GALNTL6: variants seen among roughly 807,000 people sequenced by gnomAD.
GALNTL6 encodes the protein polypeptide N-acetylgalactosaminyltransferase like 6.
GALNTL6 carries 46 observed loss-of-function variants against 73.7 expected under a neutral mutation model. That is an observed-to-expected ratio of 0.62 (90% confidence interval 0.49 to 0.80). The LOEUF (loss-of-function observed/expected upper bound fraction) is 0.80. GALNTL6 is among the 30% of genes least tolerant of loss of function. GALNTL6 has a pLI of 0.00. For missense variants in GALNTL6, 604 were observed against 755.0 expected (o/e 0.80, Z 2.34); for synonymous variants, 259 against 263.7 (o/e 0.98, Z 0.17).
chr4:172,186,834 A>C (rs1735430249), intron 2 of GALNTL6, among the ~76,000 whole-genome samples: 1 of 152,078 alleles, frequency 6.6e-6, no homozygotes, highest in Non-Finnish European at 1.5e-5. Flanking sequence ...GGGTGAAGAA[A>C]ATGTTTTGGA....
At chr4:172,552,281 A>T (rs953772054) in intron 5 of GALNTL6, among the ~76,000 whole-genome samples, 12 of 152,120 alleles carry the variant, frequency 7.9e-5, no homozygotes, top group Non-Finnish European at 1.8e-4. Context: ...TGAGCTAGAG[A>T]TTCAAAGAAT....
At chr4:172,745,558 GA>G in intron 5 of GALNTL6, among the ~76,000 whole-genome samples, 1 of 152,044 alleles carries the variant, frequency 6.6e-6, no homozygotes. Context: ...ACTGTGGCAG[GA>G]GTTACAGAAG....
At chr4:172,483,465 A>G (rs1733564726) in intron 5 of GALNTL6, among the ~76,000 whole-genome samples, 1 of 152,222 alleles carries the variant, frequency 6.6e-6, no homozygotes, top group Non-Finnish European at 1.5e-5. Flanking sequence ...TAAAGAGTTC[A>G]GCATAAATGA....
chr4:172,059,271 C>T (rs192177142), intron 2 of GALNTL6, among the ~76,000 whole-genome samples: 3 of 152,170 alleles, frequency 2.0e-5, no homozygotes, highest in Non-Finnish European at 2.9e-5. Context: ...TTGAAGCCCA[C>T]CTCTCCTGGC....
chr4:171,968,814 C>T (rs1166991336), intron 2 of GALNTL6, among the ~76,000 whole-genome samples: 5 of 140,772 alleles, frequency 3.6e-5, no homozygotes, highest in Non-Finnish European at 6.2e-5. Context: ...ATCGCCCTCC[C>T]TTGTTCTATT....
At chr4:172,302,915 CACAG>C (rs1311812140) in intron 3 of GALNTL6, among the ~76,000 whole-genome samples, 3 of 151,880 alleles carry the variant, frequency 2.0e-5, no homozygotes, top group African/African-American at 7.3e-5. Context: ...TTTGTTGTTA[CACAG>C]ACAGGATTTT....
chr4:171,873,568 G>T lies in GALNTL6; in HGVS notation c.138+58850G>T, dbSNP rs1295383780. 2.6e-5 allele frequency among the ~76,000 whole-genome samples: 4 copies of T among 151,996 alleles called. No homozygotes were observed. The East Asian group carries it at 5.8e-4, about 22-fold the overall frequency. On this transcript the variant is annotated intron_variant, in intron 2 of 12. Coordinates refer to ENST00000506823, the MANE Select transcript of GALNTL6 (RefSeq NM_001034845.3). Reference sequence around the variant, plus strand: ...AATTTGATGAGCCTTTTCTTGTGTTGCCTCCTTAAAGGCAGTTCTGAAAAC... The same window carrying T: ...AATTTGATGAGCCTTTTCTTGTGTTTCCTCCTTAAAGGCAGTTCTGAAAAC...
At chr4:172,797,488 G>A (rs1740342533) in intron 5 of GALNTL6, among the ~76,000 whole-genome samples, 1 of 151,994 alleles carries the variant, frequency 6.6e-6, no homozygotes, top group South Asian at 2.1e-4. Context: ...CAGGCCATCC[G>A]CCCGCCTCAG....
chr4:171,997,841 C>T (rs1366256794), intron 2 of GALNTL6, among the ~76,000 whole-genome samples: 3 of 152,056 alleles, frequency 2.0e-5, no homozygotes. Context: ...TAAAGATTGT[C>T]ACAGGGTAGG....
At chr4:172,311,833 T>A in intron 4 of GALNTL6, 81 bp downstream of exon 4, 1 of 894,236 alleles carries the variant, frequency 1.1e-6, no homozygotes, top group Non-Finnish European at 1.6e-6. Context: ...TGTGTATCAC[T>A]GCGAGATATG....
chr4:172,771,905 A>G (rs1302629008), intron 5 of GALNTL6, among the ~76,000 whole-genome samples: 6 of 152,152 alleles, frequency 3.9e-5, no homozygotes. Flanking sequence ...GGAACATTCA[A>G]TACAATTTGT....
At chr4:173,015,569 G>C (rs1752747637) in intron 11 of GALNTL6, among the ~76,000 whole-genome samples, 1 of 152,198 alleles carries the variant, frequency 6.6e-6, no homozygotes, top group African/African-American at 2.4e-5. Flanking sequence ...AGTCACTCTT[G>C]TTATGCAAAG....
intron 5 of GALNTL6, chr4:172,668,071 T>C (rs1731766613): frequency 6.6e-6 from 1 of 152,258 alleles, no homozygotes; most frequent in Non-Finnish European, 1.5e-5. Flanking sequence ...AAAATGGAAT[T>C]TGGAGAGTTT....
At chr4:172,746,560 T>C (rs1005866733) in intron 5 of GALNTL6, among the ~76,000 whole-genome samples, 2 of 152,118 alleles carry the variant, frequency 1.3e-5, no homozygotes, top group Admixed American at 1.3e-4. Flanking sequence ...TTGTCTATAA[T>C]AGTTAATATT....
At chr4:172,127,526 G>A (rs553286913) in intron 2 of GALNTL6, among the ~76,000 whole-genome samples, 7 of 152,268 alleles carry the variant, frequency 4.6e-5, no homozygotes, top group African/African-American at 1.4e-4. Flanking sequence ...AATCATACTT[G>A]GATTACTTAT....
At chr4:171,851,425 A>T (rs766090137) in intron 2 of GALNTL6, among the ~76,000 whole-genome samples, 21 of 152,226 alleles carry the variant, frequency 1.4e-4, no homozygotes. Flanking sequence ...AAGAACCCTC[A>T]TCAGTCTCTC....
At chr4:172,704,280 A>G (rs530926697) in intron 5 of GALNTL6, among the ~76,000 whole-genome samples, 2 of 151,896 alleles carry the variant, frequency 1.3e-5, no homozygotes, top group African/African-American at 4.8e-5. Context: ...GTACATCATT[A>G]GATTGTTTAT....
chr4:172,959,265 G>A (rs1439790518), intron 10 of GALNTL6, among the ~76,000 whole-genome samples: 2 of 152,056 alleles, frequency 1.3e-5, no homozygotes, highest in Admixed American at 6.6e-5. Flanking sequence ...TGAACTGGGG[G>A]AAAAGGTGGC....
In GALNTL6 at chr4:172,301,592, G is replaced by A. The variant is rs1202073477; in HGVS notation, c.248-10022G>A. ...TGTTAGTTTTCCTTCTAACAGTCAGGACCCTCAGCTGCAGGTCTGTTGGAG... is the reference window on the plus strand; with the variant it reads ...TGTTAGTTTTCCTTCTAACAGTCAGAACCCTCAGCTGCAGGTCTGTTGGAG... On this transcript the variant is annotated intron_variant, in intron 3 of 12. Transcript: ENST00000506823. Among the ~76,000 whole-genome samples, 5 of 152,234 alleles carry A rather than the reference G, an allele frequency of 3.3e-5. No homozygotes were observed. The East Asian group carries it at 5.8e-4, about 18-fold the overall frequency.
Sources: allele counts gnomAD v4.1 joint callset (sites outside exome capture counted in the v4.1 genomes callset), GRCh38; gene constraint gnomAD v4.1.1; transcripts MANE v1.5; gene names NCBI Gene and HGNC (gene_info 2026-07-23, HGNC 2026-07-21).